The following INSIG2 variants were observed in gnomAD, a reference collection of about 807,000 sequenced individuals.
INSIG2 encodes insulin induced gene 2.
Under a neutral mutation model 27.2 loss-of-function variants are expected in INSIG2, and 10 were observed. The observed-to-expected ratio is 0.37, with a 90% CI of 0.23 to 0.62. The LOEUF (loss-of-function observed/expected upper bound fraction) is 0.62. Among genes scored for constraint, INSIG2 ranks in the 20% least tolerant of loss-of-function variants. INSIG2 has a pLI of 0.65. For missense variants in INSIG2, 178 were observed against 270.2 expected, an observed-to-expected ratio of 0.66 and a Z score of 2.39; for synonymous variants, 97 against 95.8, an observed-to-expected ratio of 1.01 and a Z score of -0.07.
Position 118,096,580 on chromosome 2 carries a change from A to T in INSIG2, c.24A>T (p.Ser8=), listed in dbSNP as rs1160248922. The T allele has an allele frequency of 6.2e-7, 1 of 1,613,754 alleles. No individual in the cohort carries two copies. Among genetic ancestry groups the T allele is most frequent in the South Asian group, 1.1e-5 (1 of 91,060 alleles). ...CCATGGCAGAAGGAGAGACAGAGTC[A>T]CCTGGGCCCAAAAAGTGTGGCCCAT... MAEGETE[S]PGPKKCGPYI... The change falls in exon 2 of 6, where the codon TCA becomes TCT. Residue 8 remains serine (S), a synonymous_variant. Transcript: ENST00000245787.
At chr2:118,094,871 C>T (rs955704655) in intron 1 of INSIG2, among the ~76,000 whole-genome samples, 2 of 152,274 alleles carry the variant, frequency 1.3e-5, no homozygotes, top group East Asian at 3.9e-4. Flanking sequence ...TACTGGAAAA[C>T]TCAGAGGAAA....
chr2:118,095,528 G>A (rs1459372577), intron 1 of INSIG2, among the ~76,000 whole-genome samples: 1 of 152,202 alleles, frequency 6.6e-6, no homozygotes, highest in East Asian at 1.9e-4. Flanking sequence ...CATGTCAGGT[G>A]CTTAAAACAG....
intron 2 of INSIG2, among the ~76,000 whole-genome samples, chr2:118,097,402 C>G (rs1678435067): frequency 6.6e-6 from 1 of 152,086 alleles, no homozygotes; most frequent in African/African-American, 2.4e-5. Flanking sequence ...AAGTTTAAAG[C>G]TTCATGTTGT....
At chr2:118,090,041 T>G (rs1445109042) in intron 1 of INSIG2, among the ~76,000 whole-genome samples, 1 of 152,210 alleles carries the variant, frequency 6.6e-6, no homozygotes, top group Non-Finnish European at 1.5e-5. Flanking sequence ...CCATGATACA[T>G]GTAGATGTGT....
intron 3 of INSIG2, among the ~76,000 whole-genome samples, chr2:118,103,894 A>G (rs1678611111): frequency 6.6e-6 from 1 of 152,162 alleles, no homozygotes; most frequent in South Asian, 2.1e-4. Context: ...AGATTCAGAC[A>G]TTTTATTTAG....
At position 118,094,098 on chromosome 2, in the gene INSIG2, T is replaced by G. The variant is rs1247968081; in HGVS notation, c.-138-2321T>G. Among the ~76,000 whole-genome samples the G allele has an allele frequency of 2.5e-4, 20 of 79,214 alleles. 2 individuals carry two copies. Among genetic ancestry groups the G allele is most frequent in the South Asian group, 9.9e-4 (2 of 2,018 alleles). The allele number at this position is 79,214 out of a possible 152,430, so 52.0% of individuals were successfully genotyped here. A position where few individuals can be genotyped will look rare whatever the true frequency, so the allele number is the denominator to read the frequency against. ...CTTGCTGAAAGCAACCAGATGATGA[T>G]GATGATGAGGAGGAGGAGGAGGAGG... On this transcript the variant is annotated intron_variant, in intron 1 of 5. Coordinates refer to ENST00000245787, the MANE Select transcript of INSIG2 (RefSeq NM_016133.4).
intron 2 of INSIG2, among the ~76,000 whole-genome samples, chr2:118,098,949 T>A (rs1678477372): frequency 6.6e-6 from 1 of 152,190 alleles, no homozygotes; most frequent in Non-Finnish European, 1.5e-5. Flanking sequence ...TTCCAGCCAA[T>A]TCTGCTACCA....
rs548256100 is a variant in INSIG2 at position 118,110,638 on chromosome 2, A to C, written c.*2316A>C. ...AATAAGATAATTATAGCAAAAAATAAAATTGTTTTGAAATTTTGATAAATA... is the reference window on the plus strand; with the variant it reads ...AATAAGATAATTATAGCAAAAAATACAATTGTTTTGAAATTTTGATAAATA... On this transcript the variant is annotated 3_prime_UTR_variant, in exon 6 of 6. Coordinates refer to ENST00000245787, the MANE Select transcript of INSIG2 (RefSeq NM_016133.4). 3.9e-5 allele frequency: 6 copies of C among 152,344 alleles called. No homozygotes were observed. In the South Asian group the frequency reaches 1.2e-3, roughly 32 times the overall value. 9.4% of individuals were successfully genotyped at this position (152,344 alleles called of 1,614,324 possible).
intron 1 of INSIG2, among the ~76,000 whole-genome samples, chr2:118,093,843 C>A: frequency 8.9e-6 from 1 of 112,502 alleles, no homozygotes; most frequent in Non-Finnish European, 1.8e-5. Flanking sequence ...TTGCTGAAAG[C>A]AACCAGATGA....
chr2:118,101,683 T>A (rs577534587), intron 2 of INSIG2, among the ~76,000 whole-genome samples: 7 of 152,342 alleles, frequency 4.6e-5, no homozygotes, highest in African/African-American at 1.7e-4. Context: ...TTGTTGCCAT[T>A]TTATTTGTAT....
intron 1 of INSIG2, among the ~76,000 whole-genome samples, chr2:118,093,209 A>AGAT (rs72489038): frequency 0.015 from 123 of 8,200 alleles, 6 homozygotes; most frequent in African/African-American, 0.018. Flanking sequence ...AAAAGCAACC[A>AGAT]GATGATGATG....
chr2:118,104,269 T>C (rs1346171149), intron 3 of INSIG2, among the ~76,000 whole-genome samples: 1 of 152,268 alleles, frequency 6.6e-6, no homozygotes, highest in East Asian at 1.9e-4. Context: ...ATGTGTCAAG[T>C]AGACCCCTGT....
chr2:118,095,844 T>C (rs964288505), intron 1 of INSIG2, among the ~76,000 whole-genome samples: 1 of 152,108 alleles, frequency 6.6e-6, no homozygotes, highest in African/African-American at 2.4e-5. Context: ...TATATGTAGG[T>C]GTGTGCGTGG....
In INSIG2 at chr2:118,091,586, C is replaced by T. The variant is rs146495608; in HGVS notation, c.-139+3045C>T. On this transcript the variant is annotated intron_variant, in intron 1 of 5. Coordinates refer to ENST00000245787, the MANE Select transcript of INSIG2 (RefSeq NM_016133.4). The stretch of plus-strand genomic sequence containing the variant: ...TTGTTTCGCATGGGGGTCTCATACC[C>T]CTTGGAATAGATGATTTCCCAGTTC... Among the ~76,000 whole-genome samples the T allele has an allele frequency of 4.4e-3, 676 of 152,188 alleles. 2 individuals carry two copies. Among genetic ancestry groups the T allele is most frequent in the Admixed American group, 7.1e-3 (108 of 15,278 alleles).
At chr2:118,108,132 A>G (rs1000546304) in intron 5 of INSIG2, 149 bp from the exon 6 acceptor site, 29 of 540,788 alleles carry the variant, frequency 5.4e-5, no homozygotes, top group African/African-American at 8.2e-5. Context: ...TCATTTAATC[A>G]TAGTAATTAT....
chr2:118,098,729 AT>A (rs547406425), intron 2 of INSIG2, among the ~76,000 whole-genome samples: 105 of 152,260 alleles, frequency 6.9e-4, no homozygotes, highest in African/African-American at 2.4e-3. Flanking sequence ...ATAAACTTAC[AT>A]TTTAGGAAGG....
At chr2:118,100,668 A>G (rs573425596) in intron 2 of INSIG2, among the ~76,000 whole-genome samples, 1 of 152,124 alleles carries the variant, frequency 6.6e-6, no homozygotes, top group South Asian at 2.1e-4. Flanking sequence ...GTGAGCCACC[A>G]CGCCTGGCCT....
intron 2 of INSIG2, among the ~76,000 whole-genome samples, chr2:118,097,335 G>A (rs1467773390): frequency 6.6e-6 from 1 of 152,172 alleles, no homozygotes; most frequent in African/African-American, 2.4e-5. Flanking sequence ...TTGGTTTTAA[G>A]GGTTTGATGC....
chr2:118,107,526 T>C (rs551071242), intron 5 of INSIG2, among the ~76,000 whole-genome samples: 2 of 152,296 alleles, frequency 1.3e-5, no homozygotes, highest in Non-Finnish European at 2.9e-5. Context: ...TACTAATAAG[T>C]GTGTTGCTAC....
Sources: gnomAD v4.1 joint callset for allele counts (sites outside exome capture counted in the v4.1 genomes callset) on GRCh38, gnomAD v4.1.1 for gene constraint, MANE v1.5 for transcripts, NCBI Gene and HGNC (gene_info 2026-07-23, HGNC 2026-07-21) for gene names.